The following ATRX variants were observed in gnomAD, a reference collection of about 807,000 sequenced individuals.
The protein encoded by ATRX is ATRX chromatin remodeler.
Under a neutral mutation model 172.6 loss-of-function variants are expected in ATRX, and 12 were observed. The observed-to-expected ratio is 0.07, with a 90% CI of 0.04 to 0.11. ATRX has a LOEUF of 0.11. Among genes scored for constraint, ATRX ranks in the 10% least tolerant of loss-of-function variants. The pLI is 1.00. For synonymous variants in ATRX, 674 were observed against 594.7 expected, an observed-to-expected ratio of 1.13 and a Z score of -1.94; for missense variants, 1,368 against 1,767.4, an observed-to-expected ratio of 0.77 and a Z score of 4.05.
intron 15 of ATRX, among the ~76,000 whole-genome samples, chrX:77,648,046 C>T (rs781893933): frequency 1.8e-5 from 2 of 111,696 alleles, no homozygotes; most frequent in East Asian, 5.6e-4. Context: ...TACAGAGTCA[C>T]ATTACATGTT....
intron 10 of ATRX, among the ~76,000 whole-genome samples, chrX:77,665,981 G>A (rs2070215590): frequency 9.6e-6 from 1 of 103,972 alleles, no homozygotes; most frequent in Non-Finnish European, 2.0e-5. Context: ...TTCAATGGCA[G>A]GAGATATTAA....
intron 27 of ATRX, among the ~76,000 whole-genome samples, chrX:77,581,357 A>C: frequency 8.9e-6 from 1 of 111,842 alleles, no homozygotes; most frequent in East Asian, 2.8e-4. Flanking sequence ...GGCTGAAAAT[A>C]AAGGGATAAA....
At chrX:77,680,464 G>A (rs1174551381) in intron 9 of ATRX, among the ~76,000 whole-genome samples, 2 of 111,932 alleles carry the variant, frequency 1.8e-5, no homozygotes, top group Admixed American at 9.5e-5. Flanking sequence ...TTGGAAGGCC[G>A]AGGTGGAAGG....
chrX:77,697,740 G>A, intron 3 of ATRX, 105 bp from the exon 4 acceptor site: 1 of 637,881 alleles, frequency 1.6e-6, no homozygotes, highest in South Asian at 3.3e-5. Context: ...ATAATGAGAT[G>A]CTATTTATGT....
chrX:77,530,139 C>G (rs1416033170), intron 30 of ATRX, among the ~76,000 whole-genome samples: 1 of 111,763 alleles, frequency 8.9e-6, no homozygotes. Context: ...AATAAGAAAT[C>G]CACTCAAAAC....
At chrX:77,720,393 T>C (rs1020856569) in intron 1 of ATRX, among the ~76,000 whole-genome samples, 1 of 111,240 alleles carries the variant, frequency 9.0e-6, no homozygotes, top group Non-Finnish European at 1.9e-5. Context: ...ATTCAGGAGG[T>C]GTTTTTTTGA....
intron 27 of ATRX, among the ~76,000 whole-genome samples, chrX:77,580,457 GGCA>G (rs1397137898): frequency 1.5e-4 from 17 of 112,115 alleles, no homozygotes; most frequent in African/African-American, 5.5e-4. Context: ...CAATATGTCT[GGCA>G]GCAGACTTTT....
At chrX:77,586,076 A>C (rs1416045363) in intron 27 of ATRX, among the ~76,000 whole-genome samples, 1 of 111,974 alleles carries the variant, frequency 8.9e-6, no homozygotes, top group African/African-American at 3.2e-5. Context: ...AGTAATTGCT[A>C]GCACAACAGG....
rs2148590737 is a variant in ATRX at position 77,682,550 on chromosome X, C to A, written c.2706G>T (p.Met902Ile). The change falls in exon 9 of 35, where the codon ATG becomes ATT. Residue 902 changes from methionine (M) to isoleucine (I), a missense_variant. Physicochemically the swap from Met to Ile is conservative, Grantham distance 10 (BLOSUM62 1). Around this residue, in one of 17 missense-constraint regions of ATRX, gnomAD observed 843 missense variants for 643.1 expected, o/e 1.31. Transcript: ENST00000373344. Reference sequence around the variant, plus strand: ...TCTTAGGAAGTCGATCTCTTAATTCCATGATGGTCGTGTCTTTATCAACTG... The same window carrying A: ...TCTTAGGAAGTCGATCTCTTAATTCAATGATGGTCGTGTCTTTATCAACTG... ...EGTVDKDTTI[M>I]ELRDRLPKKQ... 1 of 1,211,295 alleles carries A rather than the reference C, an allele frequency of 8.3e-7. No individual in the cohort carries two copies. Among genetic ancestry groups the A allele is most frequent in the Non-Finnish European group, 1.1e-6 (1 of 895,390 alleles).
chrX:77,674,094 C>A (rs1195347647), intron 10 of ATRX: 1 of 111,205 alleles, frequency 9.0e-6, no homozygotes, highest in East Asian at 2.8e-4. Flanking sequence ...ACAATTTACA[C>A]ACAATTGTGT....
At chrX:77,699,867 C>G (rs1415951342) in intron 2 of ATRX, among the ~76,000 whole-genome samples, 2 of 111,839 alleles carry the variant, frequency 1.8e-5, no homozygotes, top group African/African-American at 6.5e-5. Flanking sequence ...AGGACTAATA[C>G]CAATCCTTCA....
intron 22 of ATRX, among the ~76,000 whole-genome samples, chrX:77,614,806 C>T (rs189682472): frequency 3.9e-3 from 440 of 111,609 alleles, no homozygotes; most frequent in South Asian, 0.011. Flanking sequence ...TGCTATCAAA[C>T]AGTAGAACTT....
Position 77,672,522 on chromosome X carries a change from GA to G in ATRX, c.3809+3703del, listed in dbSNP as rs1218083785. Among the ~76,000 whole-genome samples, 122 of 102,482 alleles carry G rather than the reference GA, an allele frequency of 1.2e-3. 1 individual carries two copies. The highest frequency in any genetic ancestry group is 2.6e-3 in the African/African-American group (75 of 28,321). 89.0% of individuals were successfully genotyped at this position (102,482 alleles called of 115,157 possible). ...CAGCATACCCACACCAAGCCAGTAGGAAAAAAAAAAATCATTAGCATATTTT... is the reference window on the plus strand; with the variant it reads ...CAGCATACCCACACCAAGCCAGTAGGAAAAAAAAAATCATTAGCATATTTT... On this transcript the variant is annotated intron_variant, in intron 10 of 34. Coordinates refer to ENST00000373344, the MANE Select transcript of ATRX (RefSeq NM_000489.6).
intron 27 of ATRX, among the ~76,000 whole-genome samples, chrX:77,584,417 C>G (rs1267773961): frequency 8.9e-6 from 1 of 111,732 alleles, no homozygotes; most frequent in Non-Finnish European, 1.9e-5. Context: ...TGACTTTATA[C>G]TACAGAACTA....
intron 27 of ATRX, among the ~76,000 whole-genome samples, chrX:77,576,134 G>A (rs1187030026): frequency 1.8e-5 from 2 of 111,400 alleles, no homozygotes; most frequent in Admixed American, 1.9e-4. Flanking sequence ...GCATATAAAA[G>A]AAGTACAACC....
At chrX:77,619,692 T>G (rs1415605941) in intron 20 of ATRX, among the ~76,000 whole-genome samples, 1 of 110,694 alleles carries the variant, frequency 9.0e-6, no homozygotes, top group African/African-American at 3.3e-5. Flanking sequence ...TAAAGTGAAA[T>G]GACTAGTATT....
chrX:77,785,291 G>T (rs1557207080), intron 1 of ATRX, among the ~76,000 whole-genome samples: 1 of 110,829 alleles, frequency 9.0e-6, no homozygotes, highest in Non-Finnish European at 1.9e-5. Flanking sequence ...CATTAAGGCT[G>T]GACATCACAA....
chrX:77,513,908 A>T (rs782393161), intron 34 of ATRX, among the ~76,000 whole-genome samples: 2 of 111,220 alleles, frequency 1.8e-5, no homozygotes, highest in East Asian at 5.7e-4. Context: ...GTTCAGCAAT[A>T]TCTCAGGGTA....
At chrX:77,566,570 T>C (rs1557064652) in intron 28 of ATRX, among the ~76,000 whole-genome samples, 1 of 111,566 alleles carries the variant, frequency 9.0e-6, no homozygotes, top group African/African-American at 3.3e-5. Context: ...CTGGGCAATA[T>C]GGTACAACCC....
Sources: gnomAD v4.1 joint callset for allele counts (sites outside exome capture counted in the v4.1 genomes callset) on GRCh38, gnomAD v4.1.1 for gene constraint, gnomAD v4.1.1 regional missense constraint, MANE v1.5 for transcripts, NCBI Gene and HGNC (gene_info 2026-07-23, HGNC 2026-07-21) for gene names.